Variants in GOLGA4 observed in about 807,000 individuals in gnomAD.
GOLGA4 encodes the protein golgin A4.
Under a neutral mutation model 265.9 loss-of-function variants are expected in GOLGA4, and 169 were observed. The ratio of observed to expected loss-of-function variants is 0.64; its 90% CI spans 0.56 to 0.72. The LOEUF (loss-of-function observed/expected upper bound fraction) is 0.72. GOLGA4 is among the 30% of genes least tolerant of loss of function. The pLI, the probability that GOLGA4 is intolerant of heterozygous loss-of-function variation, is 0.00. For missense variants in GOLGA4, 2,482 were observed against 2,483.4 expected (o/e 1.00, Z 0.01); for synonymous variants, 923 against 855.8 (o/e 1.08, Z -1.37).
intron 2 of GOLGA4, among the ~76,000 whole-genome samples, chr3:37,261,517 G>A (rs1398166997): frequency 6.6e-6 from 1 of 152,188 alleles, no homozygotes; most frequent in African/African-American, 2.4e-5. Context: ...TTGAGTAACT[G>A]CAGTTTTTAA....
intron 2 of GOLGA4, among the ~76,000 whole-genome samples, chr3:37,279,970 T>C (rs894090477): frequency 6.6e-6 from 1 of 151,998 alleles, no homozygotes; most frequent in Non-Finnish European, 1.5e-5. Flanking sequence ...GTGGATCCAT[T>C]TCCTGGTCCC....
intron 21 of GOLGA4, among the ~76,000 whole-genome samples, chr3:37,350,405 A>G (rs1195419639): frequency 3.9e-5 from 6 of 152,142 alleles, no homozygotes; most frequent in Non-Finnish European, 5.9e-5. Flanking sequence ...TTGTGCATGC[A>G]TGTATATGTT....
At chr3:37,251,976 A>G (rs2096735205) in intron 2 of GOLGA4, among the ~76,000 whole-genome samples, 1 of 152,180 alleles carries the variant, frequency 6.6e-6, no homozygotes. Context: ...ATTTGAGAGG[A>G]TAATATGTTC....
chr3:37,274,471 C>T (rs1467203011), intron 2 of GOLGA4, among the ~76,000 whole-genome samples: 2 of 151,990 alleles, frequency 1.3e-5, no homozygotes, highest in Non-Finnish European at 2.9e-5. Context: ...GTAGGTGGAT[C>T]GCTTGAGACC....
At chr3:37,295,922 G>A (rs1489493830) in intron 6 of GOLGA4, among the ~76,000 whole-genome samples, 165 bp from the exon 7 acceptor site, 2 of 152,170 alleles carry the variant, frequency 1.3e-5, no homozygotes, top group Non-Finnish European at 2.9e-5. Flanking sequence ...GATGTGTGTA[G>A]GCTATATGCA....
intron 2 of GOLGA4, among the ~76,000 whole-genome samples, chr3:37,255,651 C>T (rs975623784): frequency 2.0e-5 from 3 of 152,120 alleles, no homozygotes; most frequent in African/African-American, 7.2e-5. Flanking sequence ...ATTCTACCAC[C>T]TAAGCATTCC....
chr3:37,243,290 T>C lies in GOLGA4; in HGVS notation c.-261T>C, dbSNP rs1484127588. 1.5e-5 allele frequency: 8 copies of C among 537,078 alleles called. No individual in the cohort carries two copies. The highest frequency in any genetic ancestry group is 2.6e-5 in the Non-Finnish European group (8 of 303,078). 33.3% of individuals were successfully genotyped at this position (537,078 alleles called of 1,614,324 possible). ...GCGCACAGTTCACCTGCTGCCGTTG[T>C]CGTCGCCGCCGCGGCTCCCGGGGCT... On this transcript the variant is annotated 5_prime_UTR_variant, in exon 1 of 24. Transcript: ENST00000361924.
chr3:37,362,931 C>T (rs1293109158), intron 23 of GOLGA4, among the ~76,000 whole-genome samples: 2 of 151,594 alleles, frequency 1.3e-5, no homozygotes, highest in Admixed American at 6.6e-5. Context: ...TACAGGTACC[C>T]GCCACCATGC....
chr3:37,264,547 T>A (rs1241597893), intron 2 of GOLGA4, among the ~76,000 whole-genome samples: 1 of 152,238 alleles, frequency 6.6e-6, no homozygotes, highest in Non-Finnish European at 1.5e-5. Context: ...TAGGACCAAA[T>A]GAACAGTTAG....
intron 2 of GOLGA4, chr3:37,273,536 A>G: frequency 6.7e-7 from 1 of 1,482,746 alleles, no homozygotes; most frequent in Non-Finnish European, 9.1e-7. Flanking sequence ...TTTTTCTTAG[A>G]ATGCATCTAC....
At chr3:37,253,487 A>G (rs1203133686) in intron 2 of GOLGA4, among the ~76,000 whole-genome samples, 1 of 152,148 alleles carries the variant, frequency 6.6e-6, no homozygotes, top group Non-Finnish European at 1.5e-5. Flanking sequence ...AAAGTTGTCA[A>G]AAAAGCTTAA....
chr3:37,260,157 TAAAAA>T (rs11359349), intron 2 of GOLGA4, among the ~76,000 whole-genome samples: 2 of 124,074 alleles, frequency 1.6e-5, no homozygotes, highest in African/African-American at 2.8e-5. Flanking sequence ...GTTGATGAGC[TAAAAA>T]AAAAAAAAAA....
At chr3:37,332,422 G>C (rs1466000757) in intron 16 of GOLGA4, among the ~76,000 whole-genome samples, 1 of 152,192 alleles carries the variant, frequency 6.6e-6, no homozygotes, top group African/African-American at 2.4e-5. Flanking sequence ...CAGGAGGATT[G>C]CTTGAGCTTG....
chr3:37,294,534 G>C (rs1408636544), intron 5 of GOLGA4, among the ~76,000 whole-genome samples: 2 of 151,958 alleles, frequency 1.3e-5, no homozygotes, highest in African/African-American at 4.8e-5. Flanking sequence ...ACAGATGCCT[G>C]CCACCACGCC....
chr3:37,251,839 C>A (rs1415833106), intron 2 of GOLGA4, among the ~76,000 whole-genome samples: 1 of 152,174 alleles, frequency 6.6e-6, no homozygotes, highest in Admixed American at 6.5e-5. Context: ...CGCACGCCAC[C>A]TGCCTGGCTA....
chr3:37,365,503 A>G (rs1696680238), intron 23 of GOLGA4, among the ~76,000 whole-genome samples: 1 of 152,148 alleles, frequency 6.6e-6, no homozygotes, highest in Admixed American at 6.5e-5. Context: ...CCTGGCCTCA[A>G]GTGATCTTTC....
intron 16 of GOLGA4, among the ~76,000 whole-genome samples, chr3:37,331,796 T>A (rs1227588636): frequency 6.6e-6 from 1 of 152,084 alleles, no homozygotes; most frequent in East Asian, 1.9e-4. Flanking sequence ...TTTTGACATC[T>A]TTAATTCCCA....
rs750976266 is a variant in GOLGA4 at position 37,324,011 on chromosome 3, G to C, written c.2125G>C (p.Val709Leu). The C allele has an allele frequency of 1.9e-6, 3 of 1,613,844 alleles. No homozygotes were observed. The highest frequency in any genetic ancestry group is 2.5e-6 in the Non-Finnish European group (3 of 1,179,922). The change falls in exon 14 of 24, where the codon GTT becomes CTT. Residue 709 changes from valine (V) to leucine (L), a missense_variant. Transcript: ENST00000361924. ...TCACAAACTAGAAGAGGAACTTTCTGTTCTGAAAGATCAAACAGATAAAAT... is the reference window on the plus strand; with the variant it reads ...TCACAAACTAGAAGAGGAACTTTCTCTTCTGAAAGATCAAACAGATAAAAT... ...ARHKLEEELSVLKDQTDKMKQ... is the reference protein window; with the variant it reads ...ARHKLEEELSLLKDQTDKMKQ...
intron 10 of GOLGA4, among the ~76,000 whole-genome samples, chr3:37,309,603 A>T (rs1179674245): frequency 6.6e-6 from 1 of 152,226 alleles, no homozygotes; most frequent in Non-Finnish European, 1.5e-5. Context: ...AAAACCAGTT[A>T]TAAATCCATT....
Sources: gnomAD v4.1 joint callset for allele counts (sites outside exome capture counted in the v4.1 genomes callset) on GRCh38, gnomAD v4.1.1 for gene constraint, MANE v1.5 for transcripts, NCBI Gene and HGNC (gene_info 2026-07-23, HGNC 2026-07-21) for gene names.